SLCO4C1: variants seen among roughly 807,000 people sequenced by gnomAD.
SLCO4C1 encodes solute carrier organic anion transporter family member 4C1.
Under a neutral mutation model 72.1 loss-of-function variants are expected in SLCO4C1, and 58 were observed. The observed-to-expected ratio is 0.80, with a 90% CI of 0.65 to 1.00. The LOEUF (loss-of-function observed/expected upper bound fraction) is 1.00. Ranked by LOEUF, SLCO4C1 falls within the 50% of genes least tolerant of loss-of-function variation. The pLI is 0.00. For missense variants in SLCO4C1, 898 were observed against 857.9 expected (o/e 1.05, Z -0.58); for synonymous variants, 297 against 312.5 (o/e 0.95, Z 0.52).
At chr5:102,246,388 TG>T (rs1580240938) in intron 10 of SLCO4C1, among the ~76,000 whole-genome samples, 1 of 152,128 alleles carries the variant, frequency 6.6e-6, no homozygotes, top group East Asian at 1.9e-4. Flanking sequence ...TGCCAATAAT[TG>T]GAAAATCAAG....
rs1403879658 is a variant in SLCO4C1 at position 102,247,259 on chromosome 5, T to C, written c.1804A>G (p.Ile602Val). 6.5e-7 allele frequency: 1 copy of C among 1,534,614 alleles called. No individual in the cohort carries two copies. Among genetic ancestry groups the C allele is most frequent in the Non-Finnish European group, 8.8e-7 (1 of 1,131,830 alleles). ...TCTCAACGTGCTACATACCTTAGGA[T>C]AGACACAGTTATAGGAGTACCGGCC... ...FMAGTPITVS[I>V]LRCVNHRQRS... Residue 602 changes from isoleucine to valine, a missense_variant, in exon 10 of 13, where the codon ATC becomes GTC. Transcript: ENST00000310954.
chr5:102,236,316 T>C lies in SLCO4C1; in HGVS notation c.*542A>G, dbSNP rs569480902. Reference sequence around the variant, plus strand: ...TACATAAATTTAAAAACAAATTACATGGTAAACCTGGTTTTAAATTCATAG... The same window carrying C: ...TACATAAATTTAAAAACAAATTACACGGTAAACCTGGTTTTAAATTCATAG... On this transcript the variant is annotated 3_prime_UTR_variant, in exon 13 of 13. Coordinates refer to ENST00000310954, the MANE Select transcript of SLCO4C1 (RefSeq NM_180991.5). 2.6e-5 allele frequency: 4 copies of C among 152,740 alleles called. No homozygotes were observed. Among genetic ancestry groups the C allele is most frequent in the South Asian group, 2.1e-4 (1 of 4,846 alleles). The allele number at this position is 152,740 out of a possible 1,614,324, so 9.5% of individuals were successfully genotyped here. A position where few individuals can be genotyped will look rare whatever the true frequency, so the allele number is the denominator to read the frequency against.
In SLCO4C1 at chr5:102,239,311, T is replaced by G; in HGVS notation, c.1954A>C (p.Ile652Leu). 6.2e-7 allele frequency: 1 copy of G among 1,603,784 alleles called. No homozygotes were observed. Among genetic ancestry groups the G allele is most frequent in the South Asian group, 1.1e-5 (1 of 88,754 alleles). The change falls in exon 12 of 13, where the codon ATT becomes CTT. Residue 652 changes from isoleucine to leucine, a missense_variant. Coordinates refer to ENST00000310954, the MANE Select transcript of SLCO4C1 (RefSeq NM_180991.5). The part of the protein sequence containing the change: ...CILWDINDCG[I>L]KGACWIYDNI... ...TCATAAATCCAGCAAGCTCCTTTAATTCCACAATCATTTATATCCCAAAGA... is the reference window on the plus strand; with the variant it reads ...TCATAAATCCAGCAAGCTCCTTTAAGTCCACAATCATTTATATCCCAAAGA...
intron 2 of SLCO4C1, among the ~76,000 whole-genome samples, chr5:102,287,618 C>T (rs1444939310): frequency 2.1e-5 from 3 of 144,950 alleles, no homozygotes; most frequent in Non-Finnish European, 4.5e-5. Context: ...GGTTTCAGCT[C>T]ACTGCAACCT....
intron 12 of SLCO4C1, among the ~76,000 whole-genome samples, chr5:102,238,362 T>C (rs1003926892): frequency 6.6e-6 from 1 of 152,142 alleles, no homozygotes; most frequent in African/African-American, 2.4e-5. Flanking sequence ...AAAATGGTTT[T>C]TAACAACAGG....
At chr5:102,290,855 T>C (rs2112403975) in intron 2 of SLCO4C1, among the ~76,000 whole-genome samples, 1 of 152,312 alleles carries the variant, frequency 6.6e-6, no homozygotes, top group East Asian at 1.9e-4. Flanking sequence ...AGAGCAACTG[T>C]AGGTTGCTCT....
chr5:102,287,763 C>T (rs1350314103), intron 2 of SLCO4C1, among the ~76,000 whole-genome samples: 1 of 151,692 alleles, frequency 6.6e-6, no homozygotes, highest in Non-Finnish European at 1.5e-5. Flanking sequence ...ACTGTGTTGG[C>T]CAGGCTGGTT....
chr5:102,249,838 C>G (rs1489465099), intron 8 of SLCO4C1, 50 bp from the exon 9 acceptor site: 10 of 1,578,074 alleles, frequency 6.3e-6, no homozygotes, highest in East Asian at 2.2e-5. Flanking sequence ...TAACTTTTAA[C>G]TAACAATTTC....
chr5:102,279,835 A>G (rs1177233903), intron 2 of SLCO4C1, among the ~76,000 whole-genome samples: 2 of 152,054 alleles, frequency 1.3e-5, no homozygotes, highest in Non-Finnish European at 1.5e-5. Flanking sequence ...TCATGATCAC[A>G]TGATCAGAAA....
chr5:102,278,401 A>G, intron 2 of SLCO4C1, among the ~76,000 whole-genome samples: 1 of 152,180 alleles, frequency 6.6e-6, no homozygotes. Flanking sequence ...ACAATAAAAG[A>G]TTTCAAAACC....
chr5:102,246,108 T>A (rs1287508263), intron 10 of SLCO4C1, among the ~76,000 whole-genome samples: 2 of 151,698 alleles, frequency 1.3e-5, no homozygotes. Flanking sequence ...AATCTAATGA[T>A]ACATCTTAAA....
At chr5:102,286,236 A>T (rs10515324) in intron 2 of SLCO4C1, among the ~76,000 whole-genome samples, 17,688 of 152,180 alleles carry the variant, frequency 0.12, 1,220 homozygotes, top group African/African-American at 0.15. Flanking sequence ...AGAAACAAAG[A>T]TATAGTGCAA....
chr5:102,272,786 C>CG (rs1749176934), intron 2 of SLCO4C1, among the ~76,000 whole-genome samples: 1 of 150,226 alleles, frequency 6.7e-6, no homozygotes, highest in Non-Finnish European at 1.5e-5. Context: ...TAAAACCCGT[C>CG]TCTACTGAAA....
In SLCO4C1 at chr5:102,267,616, T is replaced by C. The variant is rs1580255645; in HGVS notation, c.802+3008A>G. On this transcript the variant is annotated intron_variant, in intron 3 of 12. Coordinates refer to ENST00000310954, the MANE Select transcript of SLCO4C1 (RefSeq NM_180991.5). ...TTTTTTTAACTCTTGTAACTCTTGT[T>C]TAGTTCTGTTATAGTCTTTATTATT... Among the ~76,000 whole-genome samples, 7 of 141,550 alleles carry C rather than the reference T, an allele frequency of 4.9e-5. 1 individual carries two copies. In the South Asian group the frequency reaches 1.6e-3, roughly 32 times the overall value. The allele number at this position is 141,550 out of a possible 152,430, so 92.9% of individuals were successfully genotyped here. A position where few individuals can be genotyped will look rare whatever the true frequency, so the allele number is the denominator to read the frequency against.
At chr5:102,268,861 A>G (rs1749096094) in intron 3 of SLCO4C1, among the ~76,000 whole-genome samples, 1 of 151,872 alleles carries the variant, frequency 6.6e-6, no homozygotes, top group South Asian at 2.1e-4. Context: ...CACTCCCTCA[A>G]TTTTTGCTTG....
intron 2 of SLCO4C1, among the ~76,000 whole-genome samples, chr5:102,274,044 C>T (rs1029742487): frequency 3.3e-5 from 5 of 152,062 alleles, no homozygotes; most frequent in African/African-American, 9.7e-5. Context: ...TAATTATTTA[C>T]ATAGCATTTA....
At chr5:102,276,731 A>G (rs949658222) in intron 2 of SLCO4C1, among the ~76,000 whole-genome samples, 4 of 152,172 alleles carry the variant, frequency 2.6e-5, no homozygotes, top group Non-Finnish European at 5.9e-5. Context: ...TTCCCTTGGT[A>G]ACTAGGATCC....
chr5:102,271,734 G>T (rs1749156107), intron 2 of SLCO4C1, among the ~76,000 whole-genome samples: 1 of 151,622 alleles, frequency 6.6e-6, no homozygotes. Flanking sequence ...AATTTTCCTA[G>T]GTTCTGAGTT....
At chr5:102,265,533 A>G (rs546942619) in intron 3 of SLCO4C1, among the ~76,000 whole-genome samples, 1 of 152,260 alleles carries the variant, frequency 6.6e-6, no homozygotes, top group East Asian at 1.9e-4. Flanking sequence ...ATTCTTCTGC[A>G]TATCAATATC....
Sources: gnomAD v4.1 joint callset for allele counts (sites outside exome capture counted in the v4.1 genomes callset) on GRCh38, gnomAD v4.1.1 for gene constraint, MANE v1.5 for transcripts, NCBI Gene and HGNC (gene_info 2026-07-23, HGNC 2026-07-21) for gene names.